Variants in KCNIP4 observed in about 807,000 individuals in gnomAD.
KCNIP4 encodes the protein Kv channel-interacting protein 4.
In KCNIP4, 12 loss-of-function variants were observed where a neutral mutation model predicts 34.0. The observed-to-expected ratio is 0.35, with a 90% confidence interval of 0.23 to 0.57. KCNIP4 has a LOEUF of 0.57. KCNIP4 is among the 20% of genes least tolerant of loss of function. The pLI is 0.83. For missense variants in KCNIP4, 238 were observed against 311.7 expected (o/e 0.76, Z 1.78); for synonymous variants, 124 against 102.2 (o/e 1.21, Z -1.29).
chr4:21,405,594 G>A (rs1485835767), intron 1 of KCNIP4, among the ~76,000 whole-genome samples: 2 of 152,138 alleles, frequency 1.3e-5, no homozygotes, highest in East Asian at 1.9e-4. Flanking sequence ...CTTTTCCTCT[G>A]TATGCTTCCT....
chr4:21,323,754 T>C (rs1714742651), intron 1 of KCNIP4, among the ~76,000 whole-genome samples: 1 of 151,972 alleles, frequency 6.6e-6, no homozygotes. Context: ...TGATATACTA[T>C]TATAACTTCC....
intron 1 of KCNIP4, among the ~76,000 whole-genome samples, chr4:21,075,993 C>T (rs1432416899): frequency 2.6e-5 from 4 of 152,144 alleles, no homozygotes; most frequent in Admixed American, 1.3e-4. Flanking sequence ...TGAAGAGTTT[C>T]TGCTGAGAGA....
At chr4:21,091,332 A>T (rs1746976742) in intron 1 of KCNIP4, among the ~76,000 whole-genome samples, 1 of 152,196 alleles carries the variant, frequency 6.6e-6, no homozygotes, top group Non-Finnish European at 1.5e-5. Context: ...ATGCTAATAA[A>T]AAAGCAGTAG....
intron 1 of KCNIP4, among the ~76,000 whole-genome samples, chr4:21,291,912 AAAGAAAGAAAGAAAGAAAGAAAG>A (rs1763529713): frequency 3.2e-5 from 3 of 93,012 alleles, no homozygotes; most frequent in African/African-American, 1.5e-4. Context: ...AGAAAGAAAG[AAAGAAAGAAAGAAAGAAAGAAAG>A]AAAAAAAAAG....
chr4:21,618,630 C>CTTTTT (rs58967707), intron 1 of KCNIP4, among the ~76,000 whole-genome samples: 402 of 81,326 alleles, frequency 4.9e-3, no homozygotes, highest in Middle Eastern at 8.6e-3. Flanking sequence ...TTTTCTTTTT[C>CTTTTT]TTTTTTTTTT....
chr4:21,924,533 C>T (rs1304508570), intron 1 of KCNIP4, among the ~76,000 whole-genome samples: 1 of 151,992 alleles, frequency 6.6e-6, no homozygotes, highest in Non-Finnish European at 1.5e-5. Flanking sequence ...TGTGAGCCAC[C>T]GCGCCTGGAC....
intron 1 of KCNIP4, among the ~76,000 whole-genome samples, chr4:21,314,699 A>G (rs1239272689): frequency 6.6e-6 from 1 of 152,240 alleles, no homozygotes; most frequent in Non-Finnish European, 1.5e-5. Context: ...TTAACAAGTC[A>G]TGGTAACAAG....
At chr4:21,574,582 G>C (rs1740599815) in intron 1 of KCNIP4, among the ~76,000 whole-genome samples, 1 of 152,062 alleles carries the variant, frequency 6.6e-6, no homozygotes, top group Non-Finnish European at 1.5e-5. Flanking sequence ...TAAAATCATT[G>C]CAGAAGGTGA....
At chr4:21,333,560 T>C (rs547724613) in intron 1 of KCNIP4, among the ~76,000 whole-genome samples, 2 of 152,160 alleles carry the variant, frequency 1.3e-5, no homozygotes, top group South Asian at 4.1e-4. Flanking sequence ...GATTTTAATG[T>C]AAGTTCCTGA....
At chr4:21,939,630 C>T (rs919592212) in intron 1 of KCNIP4, among the ~76,000 whole-genome samples, 1 of 152,164 alleles carries the variant, frequency 6.6e-6, no homozygotes, top group Non-Finnish European at 1.5e-5. Flanking sequence ...TGTGCCAACT[C>T]TCTCAGATAT....
Position 21,075,674 on chromosome 4 carries a change from C to T in KCNIP4, c.62-192965G>A, listed in dbSNP as rs1477954185. Among the ~76,000 whole-genome samples, 10 of 152,128 alleles carry T rather than the reference C, an allele frequency of 6.6e-5. 1 individual carries two copies. Among genetic ancestry groups the T allele is most frequent in the Non-Finnish European group, 1.3e-4 (9 of 68,028 alleles). ...AATATTGTTATGTGTGAATTTGATC[C>T]TGTCATTATGATGTTAGCTGGTTGT... On this transcript the variant is annotated intron_variant, in intron 1 of 8. Transcript: ENST00000382152.
chr4:21,606,888 G>A (rs911949555), intron 1 of KCNIP4, among the ~76,000 whole-genome samples: 8 of 152,036 alleles, frequency 5.3e-5, no homozygotes, highest in African/African-American at 1.9e-4. Flanking sequence ...AGCCATCAAT[G>A]GTGAATTGAG....
intron 1 of KCNIP4, among the ~76,000 whole-genome samples, chr4:21,928,261 C>G (rs1196894812): frequency 2.0e-5 from 3 of 152,026 alleles, no homozygotes; most frequent in African/African-American, 7.2e-5. Context: ...GAGTCACCCT[C>G]TGGAGCCCTG....
At chr4:20,939,284 T>C (rs1038755594) in intron 1 of KCNIP4, among the ~76,000 whole-genome samples, 1 of 152,202 alleles carries the variant, frequency 6.6e-6, no homozygotes, top group Non-Finnish European at 1.5e-5. Flanking sequence ...AACTTGCTCA[T>C]CTCAGCTTGC....
At chr4:20,989,517 A>G (rs1736891387) in intron 1 of KCNIP4, among the ~76,000 whole-genome samples, 1 of 152,110 alleles carries the variant, frequency 6.6e-6, no homozygotes, top group African/African-American at 2.4e-5. Context: ...TAGAAGGAAA[A>G]TTTCTTCTCT....
At chr4:21,433,958 G>A (rs909689518) in intron 1 of KCNIP4, among the ~76,000 whole-genome samples, 2 of 152,242 alleles carry the variant, frequency 1.3e-5, no homozygotes, top group Admixed American at 6.5e-5. Context: ...TATGTGTTTT[G>A]TTTAACTTTC....
chr4:21,937,905 C>A (rs1729955772), intron 1 of KCNIP4, among the ~76,000 whole-genome samples: 2 of 152,098 alleles, frequency 1.3e-5, no homozygotes, highest in Admixed American at 1.3e-4. Flanking sequence ...CAGTTATATT[C>A]CCAGTGTGCA....
chr4:21,219,423 G>T (rs1349641844), intron 1 of KCNIP4, among the ~76,000 whole-genome samples: 1 of 152,138 alleles, frequency 6.6e-6, no homozygotes, highest in African/African-American at 2.4e-5. Flanking sequence ...TCTGATATTT[G>T]CTTTCACTGT....
intron 1 of KCNIP4, among the ~76,000 whole-genome samples, chr4:20,962,198 G>A (rs1733915310): frequency 1.3e-5 from 2 of 151,616 alleles, no homozygotes; most frequent in African/African-American, 2.4e-5. Flanking sequence ...CCAAGCCTAA[G>A]TGTCCCCTGG....
Sources: gnomAD v4.1 joint callset for allele counts (sites outside exome capture counted in the v4.1 genomes callset) on GRCh38, gnomAD v4.1.1 for gene constraint, MANE v1.5 for transcripts, NCBI Gene and HGNC (gene_info 2026-07-23, HGNC 2026-07-21) for gene names.